SETX: variants seen among roughly 807,000 people sequenced by gnomAD.
SETX encodes the protein senataxin, also known as helicase senataxin.
In SETX, 90 loss-of-function variants were observed where a neutral mutation model predicts 227.2. The observed-to-expected ratio is 0.40, with a 90% CI of 0.33 to 0.47. The LOEUF is 0.47. Ranked by LOEUF, SETX falls within the 20% of genes least tolerant of loss-of-function variation. The pLI, the probability that SETX is intolerant of heterozygous loss-of-function variation, is 0.91. For synonymous variants in SETX, 1,210 were observed against 1,113.2 expected (o/e 1.09, Z -1.73); for missense variants, 3,052 against 3,181.5 (o/e 0.96, Z 0.98).
intron 15 of SETX, among the ~76,000 whole-genome samples, chr9:132,290,022 A>G (rs1844195386): frequency 6.6e-6 from 1 of 152,154 alleles, no homozygotes; most frequent in Non-Finnish European, 1.5e-5. Flanking sequence ...GAGCCTGGCC[A>G]ACATGGCAAA....
intron 4 of SETX, among the ~76,000 whole-genome samples, chr9:132,343,795 A>C (rs1848131595): frequency 6.6e-6 from 1 of 152,192 alleles, no homozygotes; most frequent in Non-Finnish European, 1.5e-5. Flanking sequence ...ACTTTTACGG[A>C]TAGATTATTC....
At chr9:132,278,627 C>T (rs1843320299) in intron 20 of SETX, among the ~76,000 whole-genome samples, 1 of 151,624 alleles carries the variant, frequency 6.6e-6, no homozygotes, top group Admixed American at 6.6e-5. Flanking sequence ...GGCCAAAATG[C>T]CATGAATCTT....
intron 2 of SETX, among the ~76,000 whole-genome samples, chr9:132,351,708 A>G (rs1398162293): frequency 1.3e-5 from 2 of 152,246 alleles, no homozygotes; most frequent in Non-Finnish European, 2.9e-5. Flanking sequence ...TCAATAGGGC[A>G]TATTTTGTCT....
chr9:132,283,935 C>T (rs1362905509), intron 18 of SETX, among the ~76,000 whole-genome samples: 1 of 152,204 alleles, frequency 6.6e-6, no homozygotes, highest in Non-Finnish European at 1.5e-5. Flanking sequence ...TGGTCTCCCT[C>T]TCTAACGCAG....
In SETX at chr9:132,327,090, G is replaced by C; in HGVS notation, c.4508C>G (p.Pro1503Arg). The C allele has an allele frequency of 2.5e-6, 4 of 1,614,150 alleles. 1 individual carries two copies. The South Asian group carries it at 4.4e-5, about 18-fold the overall frequency. Residue 1503 changes from proline to arginine, a missense_variant, in exon 10 of 26, where the codon CCT becomes CGT. Around this residue, in one of 10 missense-constraint regions of SETX, gnomAD observed 1,483 missense variants for 1,312.0 expected, o/e 1.13. Coordinates refer to ENST00000224140, the MANE Select transcript of SETX (RefSeq NM_015046.7). ...TTGTGAACATAAATCCATATCTTCA[G>C]GATCATTTTGGGTTAAAAATAAGTT... ...EDNLFLTQND[P>R]EDMDLCSQME...
intron 18 of SETX, among the ~76,000 whole-genome samples, chr9:132,284,531 C>T (rs1463498016): frequency 6.6e-6 from 1 of 152,200 alleles, no homozygotes; most frequent in Non-Finnish European, 1.5e-5. Context: ...TTGATTAGGG[C>T]TGCATTCTGA....
Position 132,277,147 on chromosome 9 carries a change from G to C in SETX, c.6848C>G (p.Thr2283Arg). ...YNRNLKTNRQ[T>R]EAIRCSSDWP... Reference sequence around the variant, plus strand: ...ATCTGATGAACATCGAATGGCTTCTGTCTGTCTGTAAAAAAAAAAAAGCAG... The same window carrying C: ...ATCTGATGAACATCGAATGGCTTCTCTCTGTCTGTAAAAAAAAAAAAGCAG... The change falls in exon 22 of 26, where the codon ACA (threonine) becomes AGA (arginine). Residue 2283 changes from threonine to arginine, a missense_variant. Coordinates refer to ENST00000224140, the MANE Select transcript of SETX (RefSeq NM_015046.7). 1 of 1,605,838 alleles carries C rather than the reference G, an allele frequency of 6.2e-7. No individual in the cohort carries two copies. Among genetic ancestry groups the C allele is most frequent in the Non-Finnish European group, 8.5e-7 (1 of 1,177,414 alleles).
At chr9:132,273,298 G>A (rs751648439) in intron 23 of SETX, among the ~76,000 whole-genome samples, 1 of 152,126 alleles carries the variant, frequency 6.6e-6, no homozygotes, top group Non-Finnish European at 1.5e-5. Context: ...GAGTAGTTGG[G>A]ATTACAGGCG....
At chr9:132,272,207 T>A (rs1234017856) in intron 23 of SETX, among the ~76,000 whole-genome samples, 1 of 151,712 alleles carries the variant, frequency 6.6e-6, no homozygotes, top group Non-Finnish European at 1.5e-5. Context: ...CTCACTCTTG[T>A]CCAGGCTGGA....
chr9:132,275,161 A>T, intron 23 of SETX, 95 bp downstream of exon 23: 1 of 1,367,432 alleles, frequency 7.3e-7, no homozygotes. Context: ...ATTTGCACAG[A>T]CCACTCCTTA....
intron 7 of SETX, 30 bp downstream of exon 7, chr9:132,334,578 C>T: frequency 6.2e-7 from 1 of 1,612,444 alleles, no homozygotes; most frequent in South Asian, 1.1e-5. Context: ...TCACTATATT[C>T]AACAACATTC....
intron 10 of SETX, among the ~76,000 whole-genome samples, chr9:132,312,762 C>T (rs930693667): frequency 6.6e-6 from 1 of 152,214 alleles, no homozygotes; most frequent in Non-Finnish European, 1.5e-5. Flanking sequence ...AGTAAGGCAA[C>T]TCCATAGAAT....
chr9:132,352,130 T>C (rs1386836495), intron 2 of SETX, among the ~76,000 whole-genome samples: 1 of 152,210 alleles, frequency 6.6e-6, no homozygotes, highest in East Asian at 1.9e-4. Context: ...GCACTCTGGC[T>C]TCTACCCTTA....
intron 22 of SETX, among the ~76,000 whole-genome samples, 199 bp downstream of exon 22, chr9:132,276,861 T>C (rs1843190680): frequency 6.6e-6 from 1 of 152,228 alleles, no homozygotes; most frequent in Admixed American, 6.5e-5. Context: ...AACAAGTATC[T>C]ACTCAAGCAC....
intron 25 of SETX, among the ~76,000 whole-genome samples, chr9:132,265,752 T>C (rs551123648): frequency 5.3e-5 from 8 of 152,270 alleles, no homozygotes; most frequent in Admixed American, 3.3e-4. Flanking sequence ...CCTTTGGACA[T>C]TGGTGATCTA....
intron 22 of SETX, among the ~76,000 whole-genome samples, chr9:132,276,604 T>C (rs960193510): frequency 1.3e-5 from 2 of 152,196 alleles, no homozygotes; most frequent in African/African-American, 4.8e-5. Flanking sequence ...ACACCACTCC[T>C]CTTTGCTGTC....
intron 10 of SETX, among the ~76,000 whole-genome samples, chr9:132,319,915 C>T (rs1846215853): frequency 6.6e-6 from 1 of 152,114 alleles, no homozygotes; most frequent in Non-Finnish European, 1.5e-5. Context: ...ATGCAACCTA[C>T]AATGACCTCT....
chr9:132,328,760 G>C lies in SETX; in HGVS notation c.2838C>G (p.Ile946Met). The change falls in exon 10 of 26, where the codon ATC becomes ATG. Residue 946 changes from isoleucine (I) to methionine (M), a missense_variant. By Grantham distance (10) the Ile-to-Met change is conservative. Coordinates refer to ENST00000224140, the MANE Select transcript of SETX (RefSeq NM_015046.7). ...SNLTREQAPD[I>M]SPKSDTLTDS... is the part of the protein sequence containing the mutation. ...CCGTTAAGGTGTCAGATTTAGGACT[G>C]ATGTCAGGGGCCTGTTCTCTTGTCA... 1.2e-6 allele frequency: 2 copies of C among 1,611,486 alleles called. No individual in the cohort carries two copies. Among genetic ancestry groups the C allele is most frequent in the Non-Finnish European group, 1.7e-6 (2 of 1,179,092 alleles).
chr9:132,354,303 G>A (rs745515035), intron 1 of SETX, among the ~76,000 whole-genome samples: 43 of 152,062 alleles, frequency 2.8e-4, no homozygotes, highest in Non-Finnish European at 3.1e-4. Context: ...CTCAGCCTGG[G>A]AAACACAGCC....
Sources: gnomAD v4.1 joint callset for allele counts (sites outside exome capture counted in the v4.1 genomes callset) on GRCh38, gnomAD v4.1.1 for gene constraint, gnomAD v4.1.1 regional missense constraint, MANE v1.5 for transcripts, NCBI Gene and HGNC (gene_info 2026-07-23, HGNC 2026-07-21) for gene names.